Variants in AEBP1 observed in about 807,000 individuals in gnomAD.
The protein encoded by AEBP1 is adipocyte enhancer-binding protein 1.
AEBP1 carries 69 observed loss-of-function variants against 116.5 expected under a neutral mutation model. The ratio of observed to expected loss-of-function variants is 0.59; its 90% CI spans 0.49 to 0.72. AEBP1 has a LOEUF of 0.72. Among genes scored for constraint, AEBP1 ranks in the 30% least tolerant of loss-of-function variants. AEBP1 has a pLI of 0.00. For synonymous variants in AEBP1, 627 were observed against 627.3 expected, an observed-to-expected ratio of 1.00 and a Z score of 0.01; for missense variants, 1,444 against 1,557.5, an observed-to-expected ratio of 0.93 and a Z score of 1.23.
rs1295470855 is a variant in AEBP1, at chr7:44,113,100, C to G, written c.2679C>G (p.Asn893Lys). The G allele has an allele frequency of 4.3e-6, 7 of 1,613,946 alleles. No homozygotes were observed. Among genetic ancestry groups the G allele is most frequent in the African/African-American group, 1.3e-5 (1 of 74,904 alleles). The change falls in exon 19 of 21, where the codon AAC (asparagine) becomes AAG (lysine). Residue 893 changes from asparagine (N) to lysine (K), a missense_variant. Physicochemically the swap from Asn to Lys is moderately conservative, Grantham distance 94. Transcript: ENST00000223357. This position sits in a 1 kb window ranked among gnomAD's most constrained non-coding sequence, Gnocchi z 5.3. Reference sequence around the variant, plus strand: ...AGCTGCCCCGCGAGTGGGAGAACAACAAGGAGGCGCTGCTCACCTTCATGG... The same window carrying G: ...AGCTGCCCCGCGAGTGGGAGAACAAGAAGGAGGCGCTGCTCACCTTCATGG... ...ESELPREWEN[N>K]KEALLTFMEQ...
chr7:44,109,739 C>G, intron 9 of AEBP1: 1 of 573,408 alleles, frequency 1.7e-6, no homozygotes, highest in Middle Eastern at 2.7e-4. Context: ...CACGTGTGTC[C>G]CCTGAGAGCT....
At position 44,107,728 on chromosome 7, in the gene AEBP1, G is replaced by C; in HGVS notation, c.739+28G>C. On this transcript the variant is annotated intron_variant, in intron 4 of 20. Coordinates refer to ENST00000223357, the MANE Select transcript of AEBP1 (RefSeq NM_001129.5). The surrounding 1 kb of genome is among the most constrained non-coding windows in gnomAD (Gnocchi z 4.3). ...GAGTAGGGTCCTGCCAGCCCCACCT[G>C]GGTCGGACCCCTGGCCTGGGGGATG... is the stretch of plus-strand genomic sequence containing the variant. The C allele has an allele frequency of 2.5e-6, 4 of 1,613,334 alleles. No homozygotes were observed. Among genetic ancestry groups the C allele is most frequent in the Non-Finnish European group, 3.4e-6 (4 of 1,179,898 alleles).
chr7:44,106,512 C>G (rs1439801136), intron 1 of AEBP1, 34 bp from the exon 2 acceptor site: 3 of 1,550,018 alleles, frequency 1.9e-6, no homozygotes, highest in Non-Finnish European at 1.7e-6. Flanking sequence ...AGAGCTGGCT[C>G]TGTTCATTTG....
At position 44,114,279 on chromosome 7, in the gene AEBP1, G is replaced by T. The variant is rs1281871527; in HGVS notation, c.*18G>T. On this transcript the variant is annotated 3_prime_UTR_variant, in exon 21 of 21. Coordinates refer to ENST00000223357, the MANE Select transcript of AEBP1 (RefSeq NM_001129.5). ...ACTTCTGAGATCAGCGTCCTACCAA[G>T]ACCCCAGCCCAACTCAAGCTACAGC... 6.2e-7 allele frequency: 1 copy of T among 1,611,638 alleles called. No individual in the cohort carries two copies. The highest frequency in any genetic ancestry group is 8.5e-7 in the Non-Finnish European group (1 of 1,178,162).
chr7:44,105,117 G>T (rs1433379428), intron 1 of AEBP1, among the ~76,000 whole-genome samples, 199 bp downstream of exon 1: 5 of 152,258 alleles, frequency 3.3e-5, no homozygotes, highest in Non-Finnish European at 7.3e-5. Context: ...TCCAGCACCC[G>T]GGCGGCAGGG....
At position 44,113,995 on chromosome 7, in the gene AEBP1, A is replaced by C. The variant is rs1007903383; in HGVS notation, c.3211A>C (p.Ile1071Leu). Reference sequence around the variant, plus strand: ...CACTACCATAGAGCCCTGGGGCCTCATACCGCCAACCACCGCTGGCTGGGA... The same window carrying C: ...CACTACCATAGAGCCCTGGGGCCTCCTACCGCCAACCACCGCTGGCTGGGA... ...LSTTIEPWGLIPPTTAGWEES... is the reference protein window; with the variant it reads ...LSTTIEPWGLLPPTTAGWEES... The change falls in exon 21 of 21, where the codon ATA becomes CTA. Residue 1071 changes from isoleucine to leucine, a missense_variant. Ile to Leu is a conservative substitution (Grantham distance 5). Coordinates refer to ENST00000223357, the MANE Select transcript of AEBP1 (RefSeq NM_001129.5). The surrounding 1 kb of genome is among the most constrained non-coding windows in gnomAD (Gnocchi z 5.3). 8 of 1,613,822 alleles carry C rather than the reference A, an allele frequency of 5.0e-6. No individual in the cohort carries two copies. The Admixed American group carries it at 1.2e-4, about 24-fold the overall frequency.
chr7:44,114,382 A>G lies in AEBP1; in HGVS notation c.*121A>G. The stretch of plus-strand genomic sequence containing the variant: ...GAAGGCCCCTGGTATGGACACTGAA[A>G]GGAAGGGCTGGTCCTGCCCCTTTGA... On this transcript the variant is annotated 3_prime_UTR_variant, in exon 21 of 21. Transcript: ENST00000223357. 8.7e-7 allele frequency: 1 copy of G among 1,147,386 alleles called. No homozygotes were observed. The highest frequency in any genetic ancestry group is 1.2e-6 in the Non-Finnish European group (1 of 800,438). 71.1% of individuals were successfully genotyped at this position (1,147,386 alleles called of 1,614,324 possible). A position where few individuals can be genotyped will look rare whatever the true frequency, so the allele number is the denominator to read the frequency against.
In AEBP1 at chr7:44,114,357, G is replaced by A; in HGVS notation, c.*96G>A. On this transcript the variant is annotated 3_prime_UTR_variant, in exon 21 of 21. Transcript: ENST00000223357. ...CAGTCACATCACCCATCAGCACATG[G>A]AAGGCCCCTGGTATGGACACTGAAA... The A allele has an allele frequency of 1.5e-6, 2 of 1,374,980 alleles. No individual in the cohort carries two copies. The highest frequency in any genetic ancestry group is 1.3e-5 in the South Asian group (1 of 77,744). 85.2% of individuals were successfully genotyped at this position (1,374,980 alleles called of 1,614,324 possible). A position where few individuals can be genotyped will look rare whatever the true frequency, so the allele number is the denominator to read the frequency against.
Position 44,112,558 on chromosome 7 carries a change from G to C in AEBP1, c.2218G>C (p.Val740Leu). 1.3e-6 allele frequency: 2 copies of C among 1,578,722 alleles called. No homozygotes were observed. Among genetic ancestry groups the C allele is most frequent in the Admixed American group, 1.7e-5 (1 of 58,042 alleles). The change falls in exon 18 of 21, where the codon GTA becomes CTA. Residue 740 changes from valine to leucine, a missense_variant and splice_region_variant. By Grantham distance (32) the Val-to-Leu change is conservative. Transcript: ENST00000223357. The surrounding 1 kb of genome is among the most constrained non-coding windows in gnomAD (Gnocchi z 6.6). ...PERYLSPDAT[V>L]STEVRAIIAW... ...GCCTCACACGTGCTGGCCACTCCAG[G>C]TATCCACGGAGGTCCGGGCCATCAT...
chr7:44,110,350 C>T lies in AEBP1; in HGVS notation c.1400+4C>T, dbSNP rs556874088. On this transcript the variant is annotated splice_donor_region_variant and intron_variant, in intron 11 of 20. Transcript: ENST00000223357. ...AGGGCAGAGACTCCAGCATCCAGTG[C>T]GTGGCCAGGCTCATGGATAGTTGGC... 9.9e-6 allele frequency: 16 copies of T among 1,613,606 alleles called. No individual in the cohort carries two copies. Among genetic ancestry groups the T allele is most frequent in the Middle Eastern group, 1.7e-4 (1 of 6,056 alleles).
Position 44,111,183 on chromosome 7 carries a change from G to A in AEBP1, c.1660G>A (p.Val554Met). ...CTACAGCTACTACGCACAGAATGAG[G>A]TGGTGGCCACCGATGACCTGGATTT... is the stretch of plus-strand genomic sequence containing the variant. ...PVYSYYAQNEVVATDDLDFRH... is the reference protein window; with the variant it reads ...PVYSYYAQNEMVATDDLDFRH... Residue 554 changes from valine (V) to methionine (M), a missense_variant, in exon 14 of 21, where the codon GTG (valine) becomes ATG (methionine). Coordinates refer to ENST00000223357, the MANE Select transcript of AEBP1 (RefSeq NM_001129.5). This position sits in a 1 kb window ranked among gnomAD's most constrained non-coding sequence, Gnocchi z 4.7. The A allele has an allele frequency of 6.6e-7, 1 of 1,520,072 alleles. No homozygotes were observed. Among genetic ancestry groups the A allele is most frequent in the Non-Finnish European group, 8.8e-7 (1 of 1,133,178 alleles). 94.2% of individuals were successfully genotyped at this position (1,520,072 alleles called of 1,614,324 possible). A position where few individuals can be genotyped will look rare whatever the true frequency, so the allele number is the denominator to read the frequency against.
At position 44,111,189 on chromosome 7, in the gene AEBP1, G is replaced by T. The variant is rs768379506; in HGVS notation, c.1666G>T (p.Ala556Ser). Residue 556 changes from alanine (A) to serine (S), a missense_variant, in exon 14 of 21, where the codon GCC (alanine) becomes TCC (serine). Coordinates refer to ENST00000223357, the MANE Select transcript of AEBP1 (RefSeq NM_001129.5). The surrounding 1 kb of genome is among the most constrained non-coding windows in gnomAD (Gnocchi z 4.7). ...CTACTACGCACAGAATGAGGTGGTG[G>T]CCACCGATGACCTGGATTTCCGGCA... Reference protein sequence around the residue: ...YSYYAQNEVVATDDLDFRHHS... With the variant: ...YSYYAQNEVVSTDDLDFRHHS... 7.2e-6 allele frequency: 11 copies of T among 1,517,628 alleles called. No homozygotes were observed. The highest frequency in any genetic ancestry group is 9.7e-6 in the Non-Finnish European group (11 of 1,132,082). The allele number at this position is 1,517,628 out of a possible 1,614,324, so 94.0% of individuals were successfully genotyped here. A position where few individuals can be genotyped will look rare whatever the true frequency, so the allele number is the denominator to read the frequency against.
At position 44,110,294 on chromosome 7, in the gene AEBP1, A is replaced by G. The variant is rs1583552733; in HGVS notation, c.1348A>G (p.Arg450Gly). The stretch of plus-strand genomic sequence containing the variant: ...CCAGTGGATAGAGGTGGACACCAGG[A>G]GGACTACCCGGTTCACAGGCGTCAT... ...RTQWIEVDTRRTTRFTGVITQ... is the reference protein window; with the variant it reads ...RTQWIEVDTRGTTRFTGVITQ... The change falls in exon 11 of 21, where the codon AGG becomes GGG. Residue 450 changes from arginine to glycine, a missense_variant. By Grantham distance (125) the Arg-to-Gly change is moderately radical (BLOSUM62 -2). Coordinates refer to ENST00000223357, the MANE Select transcript of AEBP1 (RefSeq NM_001129.5). The G allele has an allele frequency of 6.2e-7, 1 of 1,613,696 alleles. No homozygotes were observed. Among genetic ancestry groups the G allele is most frequent in the East Asian group, 2.2e-5 (1 of 44,890 alleles).
chr7:44,106,008 T>A (rs1213524500), intron 1 of AEBP1, among the ~76,000 whole-genome samples: 2 of 152,172 alleles, frequency 1.3e-5, no homozygotes, highest in Non-Finnish European at 2.9e-5. Flanking sequence ...TCCAAACCCC[T>A]TACTTCTCGA....
At position 44,107,748 on chromosome 7, in the gene AEBP1, G is replaced by A. The variant is rs768249465; in HGVS notation, c.739+48G>A. 6.2e-7 allele frequency: 1 copy of A among 1,613,114 alleles called. No homozygotes were observed. The highest frequency in any genetic ancestry group is 8.5e-7 in the Non-Finnish European group (1 of 1,179,896). On this transcript the variant is annotated intron_variant, in intron 4 of 20. Coordinates refer to ENST00000223357, the MANE Select transcript of AEBP1 (RefSeq NM_001129.5). The surrounding 1 kb of genome is among the most constrained non-coding windows in gnomAD (Gnocchi z 4.3). ...CACCTGGGTCGGACCCCTGGCCTGGGGGATGTGCCAATGGGCCCATCCCAG... is the reference window on the plus strand; with the variant it reads ...CACCTGGGTCGGACCCCTGGCCTGGAGGATGTGCCAATGGGCCCATCCCAG...
Position 44,107,355 on chromosome 7 carries a change from C to CT in AEBP1, c.596-83dup. ...GGTGTCCACAGGCTCTGTGTGGGCT[C>CT]TATGGGTGGCTGGTGGCCTGAGGCT... On this transcript the variant is annotated intron_variant, in intron 2 of 20. Transcript: ENST00000223357. This position sits in a 1 kb window ranked among gnomAD's most constrained non-coding sequence, Gnocchi z 4.3. 7.2e-7 allele frequency: 1 copy of CT among 1,383,450 alleles called. No individual in the cohort carries two copies. The highest frequency in any genetic ancestry group is 2.3e-5 in the East Asian group (1 of 43,328). The allele number at this position is 1,383,450 out of a possible 1,614,324, so 85.7% of individuals were successfully genotyped here. A position where few individuals can be genotyped will look rare whatever the true frequency, so the allele number is the denominator to read the frequency against.
chr7:44,112,115 G>A lies in AEBP1; in HGVS notation c.2038-27G>A, dbSNP rs756194014. On this transcript the variant is annotated intron_variant, in intron 16 of 20. Coordinates refer to ENST00000223357, the MANE Select transcript of AEBP1 (RefSeq NM_001129.5). The surrounding 1 kb of genome is among the most constrained non-coding windows in gnomAD (Gnocchi z 6.6). ...GGGGGTTGTGGGGGTGTGGGTAGCC[G>A]ATGCCTACCCTGCTGGCTCCCCACA... 5.0e-6 allele frequency: 8 copies of A among 1,598,296 alleles called. No homozygotes were observed. In the African/African-American group the frequency reaches 5.4e-5, roughly 11 times the overall value.
chr7:44,113,187 C>T lies in AEBP1; in HGVS notation c.2709+57C>T. The T allele has an allele frequency of 6.2e-7, 1 of 1,612,698 alleles. No homozygotes were observed. On this transcript the variant is annotated intron_variant, in intron 19 of 20. Transcript: ENST00000223357. The surrounding 1 kb of genome is among the most constrained non-coding windows in gnomAD (Gnocchi z 5.3). ...GAGGCTGCACAGGCTCCTGGATGGG[C>T]GGGAGGGAGCAGCGGACCACATTGG...
chr7:44,110,477 GACTC>G (rs1309977801), intron 11 of AEBP1, 131 bp downstream of exon 11: 1 of 1,367,538 alleles, frequency 7.3e-7, no homozygotes, highest in Non-Finnish European at 1.0e-6. Flanking sequence ...ATCAGTGAGG[GACTC>G]ACCCTGCCCA....
Sources: gnomAD v4.1 joint callset for allele counts (sites outside exome capture counted in the v4.1 genomes callset) on GRCh38, gnomAD v4.1.1 for gene constraint, Gnocchi (gnomAD v3.1) non-coding constraint, MANE v1.5 for transcripts, NCBI Gene and HGNC (gene_info 2026-07-23, HGNC 2026-07-21) for gene names.